The following TRIM66 variants were observed in gnomAD, a reference collection of about 807,000 sequenced individuals.
The protein encoded by TRIM66 is tripartite motif containing 66, also known as tripartite motif-containing protein 66.
Under a neutral mutation model 148.2 loss-of-function variants are expected in TRIM66, and 99 were observed. The ratio of observed to expected loss-of-function variants is 0.67; its 90% confidence interval spans 0.57 to 0.79. The LOEUF (loss-of-function observed/expected upper bound fraction) is 0.79. TRIM66 is among the 30% of genes least tolerant of loss of function. TRIM66 has a pLI of 0.00. For missense variants in TRIM66, 1,666 were observed against 1,697.9 expected, an observed-to-expected ratio of 0.98 and a Z score of 0.33; for synonymous variants, 616 against 635.9, an observed-to-expected ratio of 0.97 and a Z score of 0.47.
chr11:8,653,717 T>G (rs1342788000), intron 6 of TRIM66, among the ~76,000 whole-genome samples: 1 of 151,732 alleles, frequency 6.6e-6, no homozygotes, highest in Non-Finnish European at 1.5e-5. Flanking sequence ...AAAAGCTAAC[T>G]GATACATCCC....
At chr11:8,641,590 G>A (rs866421015) in intron 13 of TRIM66, among the ~76,000 whole-genome samples, 1 of 152,164 alleles carries the variant, frequency 6.6e-6, no homozygotes, top group Non-Finnish European at 1.5e-5. Context: ...AGATACAGGT[G>A]TGGGGAACTG....
intron 15 of TRIM66, among the ~76,000 whole-genome samples, chr11:8,628,698 A>G (rs1369843594): frequency 1.3e-5 from 2 of 148,824 alleles, no homozygotes; most frequent in Admixed American, 6.8e-5. Context: ...GTCTCCCTCC[A>G]TACCTCTCTG....
rs2133052118 is a variant in TRIM66 at position 8,638,771 on chromosome 11, G to A, written c.2193C>T (p.Leu731=). ...CAGCAGCAGTATTCTTGTCAAGAGGGAGAGCCGGCTTTGAGCCCTGAGATG... is the reference window on the plus strand; with the variant it reads ...CAGCAGCAGTATTCTTGTCAAGAGGAAGAGCCGGCTTTGAGCCCTGAGATG... ...PPASQGSKPA[L]PLDKNTAAAL... is the part of the protein sequence containing the mutation. Residue 731 remains leucine (L), a synonymous_variant, in exon 15 of 25, where the codon CTC becomes CTT. Transcript: ENST00000646038. 4.5e-6 allele frequency: 7 copies of A among 1,551,300 alleles called. No individual in the cohort carries two copies. Among genetic ancestry groups the A allele is most frequent in the African/African-American group, 1.4e-5 (1 of 73,110 alleles).
In TRIM66 at chr11:8,672,346, C is replaced by T. The variant is rs2038978575; in HGVS notation, c.-72G>A. ...AGGCGAACAAACCCTTCAAAAGTGT[C>T]CCGTACCTGTGCCTCTCCTTATTGG... On this transcript the variant is annotated 5_prime_UTR_variant, in exon 5 of 25. Transcript: ENST00000646038. 2 of 1,534,058 alleles carry T rather than the reference C, an allele frequency of 1.3e-6. No individual in the cohort carries two copies. The highest frequency in any genetic ancestry group is 2.7e-5 in the African/African-American group (2 of 73,048).
chr11:8,636,503 T>C (rs2035894313), intron 15 of TRIM66, among the ~76,000 whole-genome samples: 1 of 152,066 alleles, frequency 6.6e-6, no homozygotes, highest in African/African-American at 2.4e-5. Context: ...TTCCCCTAAA[T>C]ATGCTCTTTT....
chr11:8,667,934 T>C (rs2038702840), intron 6 of TRIM66, among the ~76,000 whole-genome samples: 1 of 152,248 alleles, frequency 6.6e-6, no homozygotes, highest in Non-Finnish European at 1.5e-5. Flanking sequence ...ATATCCAGAA[T>C]GGAATTGCTG....
chr11:8,648,589 G>C (rs749163940), intron 8 of TRIM66, 41 bp from the exon 9 acceptor site: 31 of 1,549,192 alleles, frequency 2.0e-5, no homozygotes, highest in Non-Finnish European at 2.7e-5. Flanking sequence ...TCTTGCTCAG[G>C]TAGACAAACC....
Position 8,648,361 on chromosome 11 carries a change from A to G in TRIM66, c.725+55T>C. On this transcript the variant is annotated intron_variant, in intron 9 of 24. Coordinates refer to ENST00000646038, the MANE Select transcript of TRIM66 (RefSeq NM_001388022.1). ...GCACGGGGATTCCCAGAGCTCTCAC[A>G]AGTAAGAAATCCAGAGCCCTCCCCA... 4 of 1,537,376 alleles carry G rather than the reference A, an allele frequency of 2.6e-6. No individual in the cohort carries two copies. In the African/African-American group the frequency reaches 4.1e-5, roughly 16 times the overall value.
intron 23 of TRIM66, 46 bp downstream of exon 23, chr11:8,619,337 T>C: frequency 5.1e-6 from 6 of 1,183,424 alleles, no homozygotes; most frequent in East Asian, 3.1e-5. Context: ...ATGACAGTCC[T>C]GGGGATGCAG....
At chr11:8,673,334 T>G (rs1342793368) in intron 4 of TRIM66, among the ~76,000 whole-genome samples, 1 of 152,226 alleles carries the variant, frequency 6.6e-6, no homozygotes. Flanking sequence ...GATAATAAAG[T>G]TTTAAAAAGT....
chr11:8,662,305 C>G (rs996575522), intron 6 of TRIM66, among the ~76,000 whole-genome samples: 1 of 152,204 alleles, frequency 6.6e-6, no homozygotes, highest in African/African-American at 2.4e-5. Context: ...ACCATTAGAA[C>G]CCCTGCAGCT....
rs2037198212 is a variant in TRIM66, at chr11:8,649,832, T to C, written c.500A>G (p.Asn167Ser). The C allele has an allele frequency of 2.6e-6, 4 of 1,551,662 alleles. No homozygotes were observed. Among genetic ancestry groups the C allele is most frequent in the South Asian group, 1.2e-5 (1 of 84,064 alleles). The change falls in exon 8 of 25, where the codon AAT (asparagine) becomes AGT (serine). Residue 167 changes from asparagine to serine, a missense_variant. Asn to Ser is a conservative substitution (Grantham distance 46). This residue lies in a region of TRIM66 where 1,431 missense variants were observed against 1,412.4 expected (regional missense o/e 1.01). Coordinates refer to ENST00000646038, the MANE Select transcript of TRIM66 (RefSeq NM_001388022.1). ...RAAHILCTYCNRWLCSSCTEE... is the reference protein window; with the variant it reads ...RAAHILCTYCSRWLCSSCTEE... ...TGTGCAAGAGCTGCACAGCCAGCGA[T>C]TGCAGTAGGTGCAGAGGATATGTGC...
chr11:8,658,669 G>T, intron 6 of TRIM66: 1 of 660,186 alleles, frequency 1.5e-6, no homozygotes, highest in Non-Finnish European at 1.9e-6. Flanking sequence ...CACAGCCAGA[G>T]CTCAAGTTGA....
Position 8,641,167 on chromosome 11 carries a change from T to G in TRIM66, c.1223-15A>C, listed in dbSNP as rs578259796. 81 of 1,533,984 alleles carry G rather than the reference T, an allele frequency of 5.3e-5. No homozygotes were observed. In the African/African-American group the frequency reaches 1.0e-3, roughly 19 times the overall value. On this transcript the variant is annotated splice_polypyrimidine_tract_variant and intron_variant, in intron 13 of 24. Transcript: ENST00000646038. ...AGTTATGCAGCCTGAAAATGCAGAA[T>G]AGAGAGTTTTTCAAAAGTTTTTCAA...
rs1335577395 is a variant in TRIM66 at position 8,672,040 on chromosome 11, G to A, written c.86C>T (p.Ala29Val). The change falls in exon 6 of 25, where the codon GCC (alanine) becomes GTC (valine). Residue 29 changes from alanine (A) to valine (V), a missense_variant. Physicochemically the swap from Ala to Val is moderately conservative, Grantham distance 64. This residue lies in a region of TRIM66 where 1,431 missense variants were observed against 1,412.4 expected (regional missense o/e 1.01). Transcript: ENST00000646038. ...AGCCATGCCTGTGCCCAGGACTGGGGCTTTTCCACTGATATCCTCAGGTGA... is the reference window on the plus strand; with the variant it reads ...AGCCATGCCTGTGCCCAGGACTGGGACTTTTCCACTGATATCCTCAGGTGA... ...CFSPEDISGK[A>V]PVLGTGMAVD... The A allele has an allele frequency of 1.2e-5, 19 of 1,535,702 alleles. No homozygotes were observed. In the East Asian group the frequency reaches 4.2e-4, roughly 34 times the overall value.
chr11:8,669,295 C>A (rs2038788991), intron 6 of TRIM66, among the ~76,000 whole-genome samples: 1 of 152,182 alleles, frequency 6.6e-6, no homozygotes, highest in South Asian at 2.1e-4. Flanking sequence ...ACTGTCAATA[C>A]TGCTGAAATC....
chr11:8,631,853 T>C (rs1281812103), intron 15 of TRIM66, among the ~76,000 whole-genome samples: 1 of 152,226 alleles, frequency 6.6e-6, no homozygotes. Context: ...ATGGCTGTTT[T>C]TGCTGCTGTT....
In TRIM66 at chr11:8,624,901, C is replaced by T. The variant is rs1358248800; in HGVS notation, c.2638G>A (p.Ala880Thr). Reference protein sequence around the residue: ...MASLASDHPQAGPSLMSGHTQ... With the variant: ...MASLASDHPQTGPSLMSGHTQ... ...TGACCAGACATTAGGCTGGGCCCAGCCTGAGGGTGATCACTTGCCAGGCTT... is the reference window on the plus strand; with the variant it reads ...TGACCAGACATTAGGCTGGGCCCAGTCTGAGGGTGATCACTTGCCAGGCTT... Residue 880 changes from alanine (A) to threonine (T), a missense_variant, in exon 16 of 25, where the codon GCT becomes ACT. Transcript: ENST00000646038. The T allele has an allele frequency of 6.4e-7, 1 of 1,551,616 alleles. No homozygotes were observed. Among genetic ancestry groups the T allele is most frequent in the East Asian group, 2.4e-5 (1 of 40,894 alleles).
At chr11:8,628,106 A>G (rs1386172479) in intron 15 of TRIM66, among the ~76,000 whole-genome samples, 1 of 151,042 alleles carries the variant, frequency 6.6e-6, no homozygotes, top group Non-Finnish European at 1.5e-5. Flanking sequence ...TGCTGGGATT[A>G]CAGGCATGAA....
Sources: allele counts gnomAD v4.1 joint callset (sites outside exome capture counted in the v4.1 genomes callset), GRCh38; gene constraint gnomAD v4.1.1; regional missense constraint gnomAD v4.1.1; transcripts MANE v1.5; gene names NCBI Gene and HGNC (gene_info 2026-07-23, HGNC 2026-07-21).